The following RPS6KB2 variants were observed in gnomAD, a reference collection of about 807,000 sequenced individuals.
The protein encoded by RPS6KB2 is ribosomal protein S6 kinase B2, also known as ribosomal protein S6 kinase beta-2.
Under a neutral mutation model 58.2 loss-of-function variants are expected in RPS6KB2, and 51 were observed. That is an observed-to-expected ratio of 0.88 (90% confidence interval 0.70 to 1.11). The LOEUF (loss-of-function observed/expected upper bound fraction) is 1.11, where lower values mean the gene tolerates loss of function less well. RPS6KB2 is among the 50% of genes least tolerant of loss of function. RPS6KB2 has a pLI of 0.00. For missense variants in RPS6KB2, 671 were observed against 655.8 expected (o/e 1.02, Z -0.25); for synonymous variants, 293 against 258.6 (o/e 1.13, Z -1.28).
chr11:67,428,853 A>G (rs1389826887), intron 1 of RPS6KB2, 129 bp from the exon 2 acceptor site: 33 of 1,171,112 alleles, frequency 2.8e-5, no homozygotes, highest in Non-Finnish European at 3.8e-5. Flanking sequence ...TTTCTTCCCA[A>G]TTCTTACCCA....
rs760727098 is a variant in RPS6KB2 at position 67,432,671 on chromosome 11, C to G, written c.515+14C>G. 1.2e-6 allele frequency: 2 copies of G among 1,614,088 alleles called. No homozygotes were observed. The highest frequency in any genetic ancestry group is 1.7e-6 in the Non-Finnish European group (2 of 1,179,950). On this transcript the variant is annotated intron_variant, in intron 6 of 14. Transcript: ENST00000312629. ...AGATACGGCCTGGTGGGTGTTAATC[C>G]TCCGCTTTCCTGAGGCTGCCAGGTC... is the stretch of plus-strand genomic sequence containing the variant.
chr11:67,435,037 G>A lies in RPS6KB2; in HGVS notation c.1317G>A (p.Leu439=), dbSNP rs771073654. 3.7e-6 allele frequency: 6 copies of A among 1,613,280 alleles called. No homozygotes were observed. The South Asian group carries it at 4.4e-5, about 12-fold the overall frequency. The change falls in exon 15 of 15, where the codon CTG becomes CTA. Residue 439 remains leucine (L), a synonymous_variant. Coordinates refer to ENST00000312629, the MANE Select transcript of RPS6KB2 (RefSeq NM_003952.3). ...AGGGGTTTCGGCCCAGCCCCAGCCT[G>A]CCGGAGCCCACGGAGCTACCTCTAC... The part of the protein sequence containing the change: ...PFEGFRPSPS[L]PEPTELPLPP...
At position 67,429,107 on chromosome 11, in the gene RPS6KB2, C is replaced by A; in HGVS notation, c.120-13C>A. 6.2e-7 allele frequency: 1 copy of A among 1,613,950 alleles called. No individual in the cohort carries two copies. The highest frequency in any genetic ancestry group is 8.5e-7 in the Non-Finnish European group (1 of 1,180,016). On this transcript the variant is annotated splice_polypyrimidine_tract_variant and intron_variant, in intron 2 of 14. Transcript: ENST00000312629. The stretch of plus-strand genomic sequence containing the variant: ...ACTGGAGCCTTGTCCTCATTAACTC[C>A]TTGTGTCCGTAGGCCTGTGGGACAC...
intron 5 of RPS6KB2, 178 bp from the exon 6 acceptor site, chr11:67,432,422 C>T: frequency 2.7e-6 from 2 of 730,554 alleles, no homozygotes; most frequent in Non-Finnish European, 4.9e-6. Flanking sequence ...AGCACAGGGC[C>T]AGGCACCGAG....
At chr11:67,432,891 G>A (rs1163021750) in intron 7 of RPS6KB2, 54 bp downstream of exon 7, 4 of 1,607,762 alleles carry the variant, frequency 2.5e-6, no homozygotes, top group African/African-American at 2.7e-5. Context: ...TGTGGGGAGG[G>A]CTGAGGACCT....
Position 67,428,703 on chromosome 11 carries a change from G to T in RPS6KB2, c.78+80G>T, listed in dbSNP as rs1590969090. ...CGAGGCCGGAGCGGCGGCTCCGCAC[G>T]CCCAGAGCGGGCTCCGACTCTTTGC... On this transcript the variant is annotated intron_variant, in intron 1 of 14. Transcript: ENST00000312629. 8 of 1,361,046 alleles carry T rather than the reference G, an allele frequency of 5.9e-6. No homozygotes were observed. In the East Asian group the frequency reaches 1.7e-4, roughly 29 times the overall value. 84.3% of individuals were successfully genotyped at this position (1,361,046 alleles called of 1,614,324 possible).
At chr11:67,432,094 G>C in intron 5 of RPS6KB2, 1 of 350,790 alleles carries the variant, frequency 2.9e-6, no homozygotes, top group Admixed American at 3.8e-5. Context: ...GTCCCCTGCA[G>C]GCTGTGAGCA....
rs375129435 is a variant in RPS6KB2, at chr11:67,435,020, C to T, written c.1300C>T (p.Arg434Trp). The T allele has an allele frequency of 1.9e-5, 31 of 1,613,364 alleles. No individual in the cohort carries two copies. Among genetic ancestry groups the T allele is most frequent in the East Asian group, 1.6e-4 (7 of 44,894 alleles). ...CAAGTTCTCCCCTTTTGAGGGGTTT[C>T]GGCCCAGCCCCAGCCTGCCGGAGCC... Reference protein sequence around the residue: ...PLKFSPFEGFRPSPSLPEPTE... With the variant: ...PLKFSPFEGFWPSPSLPEPTE... Residue 434 changes from arginine (R) to tryptophan (W), a missense_variant, in exon 15 of 15, where the codon CGG becomes TGG. Transcript: ENST00000312629.
Position 67,431,357 on chromosome 11 carries a change from T to C in RPS6KB2, c.310-11T>C. ...GATGCCTCAGTTTCTAACCAATTCC[T>C]GTATCTCCAGGCCAAAATTGTGCGC... is the stretch of plus-strand genomic sequence containing the variant. On this transcript the variant is annotated splice_polypyrimidine_tract_variant and intron_variant, in intron 4 of 14. Coordinates refer to ENST00000312629, the MANE Select transcript of RPS6KB2 (RefSeq NM_003952.3). 6.2e-7 allele frequency: 1 copy of C among 1,612,820 alleles called. No individual in the cohort carries two copies. Among genetic ancestry groups the C allele is most frequent in the Non-Finnish European group, 8.5e-7 (1 of 1,179,026 alleles).
rs371994167 is a variant in RPS6KB2 at position 67,434,577 on chromosome 11, C to A, written c.1156-5C>A. 186 of 1,602,494 alleles carry A rather than the reference C, an allele frequency of 1.2e-4. No homozygotes were observed. Among genetic ancestry groups the A allele is most frequent in the Non-Finnish European group, 1.5e-4 (178 of 1,176,184 alleles). Reference sequence around the variant, plus strand: ...GTGTCGCATGGCCCTGCCTCCGCCCCCCAGGGCTTCACATACGTGGCGCCG... The same window carrying A: ...GTGTCGCATGGCCCTGCCTCCGCCCACCAGGGCTTCACATACGTGGCGCCG... On this transcript the variant is annotated splice_polypyrimidine_tract_variant and splice_region_variant and intron_variant, in intron 13 of 14. Transcript: ENST00000312629.
intron 1 of RPS6KB2, 90 bp downstream of exon 1, chr11:67,428,713 G>T: frequency 7.8e-7 from 1 of 1,284,762 alleles, no homozygotes. Flanking sequence ...GCCCAGAGCG[G>T]GCTCCGACTC....
At position 67,429,107 on chromosome 11, in the gene RPS6KB2, CT is replaced by C. The variant is rs1328703516; in HGVS notation, c.120-11del. ...ACTGGAGCCTTGTCCTCATTAACTC[CT>C]TGTGTCCGTAGGCCTGTGGGACACT... On this transcript the variant is annotated splice_polypyrimidine_tract_variant and intron_variant, in intron 2 of 14. Transcript: ENST00000312629. 1 of 1,613,950 alleles carries C rather than the reference CT, an allele frequency of 6.2e-7. No individual in the cohort carries two copies. Among genetic ancestry groups the C allele is most frequent in the African/African-American group, 1.3e-5 (1 of 75,022 alleles).
intron 10 of RPS6KB2, 31 bp from the exon 11 acceptor site, chr11:67,433,964 C>T: frequency 6.2e-7 from 1 of 1,613,728 alleles, no homozygotes; most frequent in South Asian, 1.1e-5. Flanking sequence ...AGTACTTGCC[C>T]AGGCCCTCAC....
At chr11:67,431,619 T>C (rs1565145728) in intron 5 of RPS6KB2, 104 bp downstream of exon 5, 2 of 1,233,958 alleles carry the variant, frequency 1.6e-6, no homozygotes, top group Non-Finnish European at 1.1e-6. Context: ...TCTGTGGGGG[T>C]TGGCTAGGGG....
rs754135162 is a variant in RPS6KB2 at position 67,435,204 on chromosome 11, C to T, written c.*35C>T. 2.6e-5 allele frequency: 39 copies of T among 1,496,782 alleles called. No homozygotes were observed. The highest frequency in any genetic ancestry group is 2.9e-5 in the Non-Finnish European group (33 of 1,123,236). 92.7% of individuals were successfully genotyped at this position (1,496,782 alleles called of 1,614,324 possible). On this transcript the variant is annotated 3_prime_UTR_variant, in exon 15 of 15. Coordinates refer to ENST00000312629, the MANE Select transcript of RPS6KB2 (RefSeq NM_003952.3). The stretch of plus-strand genomic sequence containing the variant: ...TGGGGGTGAGGGTAGCCCTTGAGCC[C>T]TGTCCCTGCGGCTGTGAGAGCAGCA...
intron 4 of RPS6KB2, 74 bp from the exon 5 acceptor site, chr11:67,431,294 T>G: frequency 2.0e-6 from 3 of 1,474,288 alleles, no homozygotes; most frequent in Non-Finnish European, 2.8e-6. Context: ...CCTCCTAGAG[T>G]GCTGGGATTA....
chr11:67,428,975 C>G lies in RPS6KB2; in HGVS notation c.79-7C>G. On this transcript the variant is annotated splice_region_variant and splice_polypyrimidine_tract_variant and intron_variant, in intron 1 of 14. Transcript: ENST00000312629. ...TTCCTTGGCTCTTACCCCTCGGTTT[C>G]TCACAGGACGCATGTCCCCTTGCCG... 6.2e-7 allele frequency: 1 copy of G among 1,614,078 alleles called. No individual in the cohort carries two copies. Among genetic ancestry groups the G allele is most frequent in the East Asian group, 2.2e-5 (1 of 44,882 alleles).
intron 1 of RPS6KB2, 154 bp from the exon 2 acceptor site, chr11:67,428,828 C>T: frequency 9.8e-7 from 1 of 1,019,228 alleles, no homozygotes; most frequent in African/African-American, 1.6e-5. Context: ...CCGATTCTCC[C>T]TTTCCTGCCT....
chr11:67,434,108 G>A (rs964150557), intron 11 of RPS6KB2, 51 bp downstream of exon 11: 1 of 1,612,642 alleles, frequency 6.2e-7, no homozygotes, highest in Non-Finnish European at 8.5e-7. Context: ...AAGGGTGCCG[G>A]GAATGGGGGC....
Sources: allele counts gnomAD v4.1 joint callset, GRCh38; gene constraint gnomAD v4.1.1; transcripts MANE v1.5; gene names NCBI Gene and HGNC (gene_info 2026-07-23, HGNC 2026-07-21).